The following ITGBL1 variants were observed in gnomAD, a reference collection of about 807,000 sequenced individuals.
The protein encoded by ITGBL1 is integrin beta-like protein 1.
Under a neutral mutation model 68.5 loss-of-function variants are expected in ITGBL1, and 51 were observed. The observed-to-expected ratio is 0.74, with a 90% confidence interval of 0.59 to 0.94. ITGBL1 has a LOEUF of 0.94. Among genes scored for constraint, ITGBL1 ranks in the 40% least tolerant of loss-of-function variants. ITGBL1 has a pLI of 0.00. For synonymous variants in ITGBL1, 209 were observed against 227.3 expected, an observed-to-expected ratio of 0.92 and a Z score of 0.72; for missense variants, 649 against 647.4, an observed-to-expected ratio of 1.00 and a Z score of -0.03.
At chr13:101,513,106 A>G (rs2049141692) in intron 2 of ITGBL1, among the ~76,000 whole-genome samples, 1 of 152,120 alleles carries the variant, frequency 6.6e-6, no homozygotes, top group Non-Finnish European at 1.5e-5. Context: ...CTTTGAGTGT[A>G]CAGTACTATG....
intron 2 of ITGBL1, among the ~76,000 whole-genome samples, chr13:101,463,456 C>G (rs1011209505): frequency 1.3e-5 from 2 of 152,086 alleles, no homozygotes; most frequent in Non-Finnish European, 2.9e-5. Context: ...GTGTTCCTGT[C>G]CCTGAAATCT....
intron 8 of ITGBL1, among the ~76,000 whole-genome samples, chr13:101,705,486 C>A (rs1010749757): frequency 1.3e-5 from 2 of 151,950 alleles, no homozygotes; most frequent in East Asian, 1.9e-4. Context: ...ATTTCTCATG[C>A]CAAAACTTGG....
At chr13:101,674,386 G>A (rs767414937) in intron 7 of ITGBL1, among the ~76,000 whole-genome samples, 3 of 152,104 alleles carry the variant, frequency 2.0e-5, no homozygotes, top group Non-Finnish European at 4.4e-5. Flanking sequence ...GACATGTTCT[G>A]CATTGCTGTG....
At chr13:101,644,460 T>C (rs2032494318) in intron 7 of ITGBL1, among the ~76,000 whole-genome samples, 1 of 152,188 alleles carries the variant, frequency 6.6e-6, no homozygotes, top group Admixed American at 6.5e-5. Flanking sequence ...TGGACACTGA[T>C]GTCGCCTTGG....
chr13:101,603,475 T>C (rs1165436061), intron 7 of ITGBL1, among the ~76,000 whole-genome samples: 1 of 151,974 alleles, frequency 6.6e-6, no homozygotes, highest in African/African-American at 2.4e-5. Context: ...TCTATCTGCA[T>C]TGGAATATTG....
intron 7 of ITGBL1, among the ~76,000 whole-genome samples, chr13:101,675,567 G>T (rs1197249272): frequency 2.0e-5 from 3 of 151,946 alleles, no homozygotes; most frequent in East Asian, 1.9e-4. Context: ...TTCTAGTAAG[G>T]TCACCAAGAT....
chr13:101,703,934 G>A (rs1195879333), intron 8 of ITGBL1, among the ~76,000 whole-genome samples: 1 of 152,158 alleles, frequency 6.6e-6, no homozygotes, highest in African/African-American at 2.4e-5. Context: ...ATCTAAATAA[G>A]TAAGTTAACA....
chr13:101,559,770 CAA>C (rs1174988763), intron 2 of ITGBL1, among the ~76,000 whole-genome samples: 1 of 152,186 alleles, frequency 6.6e-6, no homozygotes, highest in East Asian at 1.9e-4. Context: ...AATGGAAAAA[CAA>C]AGCCCATCTC....
chr13:101,452,973 T>C (rs757996948), intron 1 of ITGBL1, 42 bp downstream of exon 1: 6 of 1,509,424 alleles, frequency 4.0e-6, no homozygotes, highest in Non-Finnish European at 5.5e-6. Flanking sequence ...CCTGCCCTGC[T>C]TATGTGGCAG....
At chr13:101,621,225 C>G (rs2031569153) in intron 7 of ITGBL1, among the ~76,000 whole-genome samples, 1 of 152,124 alleles carries the variant, frequency 6.6e-6, no homozygotes, top group Non-Finnish European at 1.5e-5. Context: ...GTGTATGTCT[C>G]CATCCCAGGC....
chr13:101,506,648 C>T (rs2049031515), intron 2 of ITGBL1, among the ~76,000 whole-genome samples: 1 of 152,178 alleles, frequency 6.6e-6, no homozygotes, highest in Non-Finnish European at 1.5e-5. Flanking sequence ...AGAGTGATTC[C>T]TGACTCTTGA....
intron 8 of ITGBL1, 30 bp from the exon 9 acceptor site, chr13:101,706,726 T>C (rs775645142): frequency 1.2e-6 from 2 of 1,605,250 alleles, no homozygotes; most frequent in Admixed American, 3.4e-5. Context: ...TTCCTCATCC[T>C]CTCACTCCTT....
chr13:101,714,648 G>A lies in ITGBL1; in HGVS notation c.1393+97G>A, dbSNP rs993486525. The A allele has an allele frequency of 1.6e-5, 12 of 751,680 alleles. No homozygotes were observed. In the African/African-American group the frequency reaches 1.9e-4, roughly 12 times the overall value. 46.6% of individuals were successfully genotyped at this position (751,680 alleles called of 1,614,324 possible). On this transcript the variant is annotated intron_variant, in intron 10 of 10. Transcript: ENST00000376180. The stretch of plus-strand genomic sequence containing the variant: ...ATGCTTTAGGTGGCTGGACCAACAG[G>A]GCCAACCGTGAATATGAAATATCTA...
At chr13:101,477,226 A>G (rs980465195) in intron 2 of ITGBL1, among the ~76,000 whole-genome samples, 1 of 152,162 alleles carries the variant, frequency 6.6e-6, no homozygotes. Context: ...AAATTAAACA[A>G]TATGCTCCTG....
At chr13:101,598,103 C>A in intron 6 of ITGBL1, 50 bp from the exon 7 acceptor site, 8 of 1,454,752 alleles carry the variant, frequency 5.5e-6, no homozygotes, top group Admixed American at 4.2e-5. Context: ...CTAATTCCAA[C>A]TTCATTATCT....
At chr13:101,588,466 T>TAGAAGTAATGAAACTA (rs1434162216) in intron 6 of ITGBL1, among the ~76,000 whole-genome samples, 5 of 152,184 alleles carry the variant, frequency 3.3e-5, no homozygotes, top group African/African-American at 7.2e-5. Context: ...GAATACTGGT[T>TAGAAGTAATGAAACTA]AGAAGTAATG....
At chr13:101,494,528 C>G (rs2048827741) in intron 2 of ITGBL1, among the ~76,000 whole-genome samples, 1 of 152,154 alleles carries the variant, frequency 6.6e-6, no homozygotes, top group Non-Finnish European at 1.5e-5. Flanking sequence ...ATACAGAGCT[C>G]TAACTTCAGT....
chr13:101,603,500 C>A (rs1318082296), intron 7 of ITGBL1, among the ~76,000 whole-genome samples: 1 of 151,886 alleles, frequency 6.6e-6, no homozygotes, highest in Non-Finnish European at 1.5e-5. Flanking sequence ...TATAGTGCTG[C>A]ATAAGCCATC....
At chr13:101,514,455 A>T (rs796825623) in intron 2 of ITGBL1, among the ~76,000 whole-genome samples, 7 of 145,784 alleles carry the variant, frequency 4.8e-5, no homozygotes, top group South Asian at 2.1e-4. Context: ...AATTATTATT[A>T]TTTTTTTTGG....
Sources: gnomAD v4.1 joint callset for allele counts (sites outside exome capture counted in the v4.1 genomes callset) on GRCh38, gnomAD v4.1.1 for gene constraint, MANE v1.5 for transcripts, NCBI Gene and HGNC (gene_info 2026-07-23, HGNC 2026-07-21) for gene names.